Variants in DOK5 observed in about 807,000 individuals in gnomAD.
DOK5 encodes docking protein 5.
DOK5 carries 27 observed loss-of-function variants against 43.3 expected under a neutral mutation model. That is an observed-to-expected ratio of 0.62 (90% CI 0.46 to 0.86). The LOEUF (loss-of-function observed/expected upper bound fraction) is 0.86. DOK5 is among the 40% of genes least tolerant of loss of function. The probability of loss-of-function intolerance (pLI) is 0.00; values close to 1 mark genes in which losing one functional copy is unlikely to be tolerated. For synonymous variants in DOK5, 146 were observed against 140.1 expected (o/e 1.04, Z -0.30); for missense variants, 373 against 392.9 (o/e 0.95, Z 0.43).
In DOK5 at chr20:54,636,368, G is replaced by A. The variant is rs138390306; in HGVS notation, c.736-7090G>A. 6.8e-4 allele frequency among the ~76,000 whole-genome samples: 103 copies of A among 152,276 alleles called. No individual in the cohort carries two copies. In the East Asian group the frequency reaches 0.018, roughly 27 times the overall value. Reference sequence around the variant, plus strand: ...ATTTAGATGTAGTTTAAAAATGACCGGACATTATACTGGAGGCCACAAGAT... The same window carrying A: ...ATTTAGATGTAGTTTAAAAATGACCAGACATTATACTGGAGGCCACAAGAT... On this transcript the variant is annotated intron_variant, in intron 6 of 7. Coordinates refer to ENST00000262593, the MANE Select transcript of DOK5 (RefSeq NM_018431.5).
At chr20:54,541,087 A>G (rs1406940170) in intron 1 of DOK5, among the ~76,000 whole-genome samples, 1 of 152,200 alleles carries the variant, frequency 6.6e-6, no homozygotes, top group African/African-American at 2.4e-5. Context: ...TTCTCAGCTA[A>G]TGAAAACTCC....
At chr20:54,489,054 A>C (rs1414978471) in intron 1 of DOK5, among the ~76,000 whole-genome samples, 3 of 152,158 alleles carry the variant, frequency 2.0e-5, no homozygotes, top group Admixed American at 2.0e-4. Flanking sequence ...ACAAATAGAA[A>C]ACTGTGCCTA....
chr20:54,584,573 G>A (rs1411335496), intron 2 of DOK5, among the ~76,000 whole-genome samples: 1 of 150,656 alleles, frequency 6.6e-6, no homozygotes. Flanking sequence ...ATTAAAAGCT[G>A]TTTATACAAT....
intron 1 of DOK5, among the ~76,000 whole-genome samples, chr20:54,512,152 T>C (rs1983036169): frequency 1.3e-5 from 2 of 152,214 alleles, no homozygotes. Context: ...GAATACATAA[T>C]GAGTAGACTC....
At chr20:54,536,753 C>T (rs1983974928) in intron 1 of DOK5, among the ~76,000 whole-genome samples, 1 of 152,200 alleles carries the variant, frequency 6.6e-6, no homozygotes, top group Admixed American at 6.5e-5. Flanking sequence ...TGGCCCCACC[C>T]TCTCCAATGA....
intron 6 of DOK5, among the ~76,000 whole-genome samples, chr20:54,615,167 G>C (rs534286997): frequency 6.6e-6 from 1 of 152,280 alleles, no homozygotes; most frequent in East Asian, 1.9e-4. Context: ...CCAATACCAG[G>C]CTGAAATTAC....
intron 2 of DOK5, among the ~76,000 whole-genome samples, chr20:54,581,770 T>TCTAAC (rs1985651322): frequency 6.6e-6 from 1 of 152,004 alleles, no homozygotes; most frequent in South Asian, 2.1e-4. Flanking sequence ...GTTTATTTGT[T>TCTAAC]CTAACTTTTT....
At chr20:54,502,406 A>G in intron 1 of DOK5, among the ~76,000 whole-genome samples, 1 of 152,206 alleles carries the variant, frequency 6.6e-6, no homozygotes, top group Non-Finnish European at 1.5e-5. Flanking sequence ...TCATTTAATG[A>G]GTCATTTTAG....
intron 6 of DOK5, among the ~76,000 whole-genome samples, chr20:54,630,116 G>A (rs1186700538): frequency 1.3e-5 from 2 of 152,188 alleles, no homozygotes; most frequent in Admixed American, 1.3e-4. Context: ...AAACGACTGG[G>A]GGTGCCCAGA....
intron 7 of DOK5, among the ~76,000 whole-genome samples, chr20:54,649,363 A>G (rs1979591255): frequency 6.6e-6 from 1 of 152,150 alleles, no homozygotes; most frequent in African/African-American, 2.4e-5. Flanking sequence ...TTGAGGCTGC[A>G]GTGAGCTGAG....
chr20:54,497,902 T>C (rs1027607611), intron 1 of DOK5, among the ~76,000 whole-genome samples: 1 of 152,218 alleles, frequency 6.6e-6, no homozygotes, highest in Non-Finnish European at 1.5e-5. Flanking sequence ...AAAACAATAT[T>C]ATGACCCTAA....
chr20:54,514,306 G>A (rs1184711246), intron 1 of DOK5, among the ~76,000 whole-genome samples: 2 of 152,122 alleles, frequency 1.3e-5, no homozygotes, highest in African/African-American at 2.4e-5. Flanking sequence ...TGTACTAAGC[G>A]TGAGAATTTG....
chr20:54,527,343 T>G (rs1223460108), intron 1 of DOK5, among the ~76,000 whole-genome samples: 3 of 152,198 alleles, frequency 2.0e-5, no homozygotes, highest in African/African-American at 7.2e-5. Flanking sequence ...CAAGCGTACA[T>G]TCATGTGCTT....
chr20:54,538,296 G>A (rs537915058), intron 1 of DOK5, among the ~76,000 whole-genome samples: 4 of 151,734 alleles, frequency 2.6e-5, no homozygotes, highest in Admixed American at 6.6e-5. Context: ...TGGCTGAAAA[G>A]ATTTGGCAGA....
intron 6 of DOK5, among the ~76,000 whole-genome samples, chr20:54,628,023 T>A (rs541881752): frequency 6.6e-6 from 1 of 152,312 alleles, no homozygotes; most frequent in Admixed American, 6.5e-5. Flanking sequence ...TGAGACATAC[T>A]CACTGATCAG....
In DOK5 at chr20:54,510,091, A is replaced by G. The variant is rs6023335; in HGVS notation, c.66+34079A>G. The stretch of plus-strand genomic sequence containing the variant: ...TATGTAACAAACCTGCACATCCTGC[A>G]CATGTACCGCAGAACTAAAAATAAG... On this transcript the variant is annotated intron_variant, in intron 1 of 7. Coordinates refer to ENST00000262593, the MANE Select transcript of DOK5 (RefSeq NM_018431.5). 8.6e-3 allele frequency among the ~76,000 whole-genome samples: 1,308 copies of G among 152,312 alleles called. 25 individuals carry two copies. Among genetic ancestry groups the G allele is most frequent in the African/African-American group, 0.03 (1,258 of 41,556 alleles).
intron 6 of DOK5, among the ~76,000 whole-genome samples, chr20:54,636,000 T>C (rs1407806893): frequency 1.3e-5 from 2 of 152,240 alleles, no homozygotes; most frequent in Admixed American, 1.3e-4. Context: ...GGAAAAGGCC[T>C]TCCTGTTGTG....
intron 5 of DOK5, among the ~76,000 whole-genome samples, chr20:54,601,979 C>T (rs1426110949): frequency 8.5e-5 from 13 of 152,186 alleles, no homozygotes; most frequent in Admixed American, 8.5e-4. Context: ...CCACATCACT[C>T]TTTCTCCCAG....
chr20:54,621,207 A>G (rs990632624), intron 6 of DOK5, among the ~76,000 whole-genome samples: 10 of 152,246 alleles, frequency 6.6e-5, no homozygotes, highest in Non-Finnish European at 1.0e-4. Context: ...GAGCAAGACT[A>G]TGATTTGGAG....
Sources: allele counts gnomAD v4.1 joint callset (sites outside exome capture counted in the v4.1 genomes callset), GRCh38; gene constraint gnomAD v4.1.1; transcripts MANE v1.5; gene names NCBI Gene and HGNC (gene_info 2026-07-23, HGNC 2026-07-21).